Variants in NCOA7 observed in about 807,000 individuals in gnomAD.
The protein encoded by NCOA7 is nuclear receptor coactivator 7.
In NCOA7, 45 loss-of-function variants were observed where a neutral mutation model predicts 104.3. The ratio of observed to expected loss-of-function variants is 0.43; its 90% CI spans 0.34 to 0.55. The LOEUF is 0.55. NCOA7 is among the 20% of genes least tolerant of loss of function. The pLI is 0.02. For synonymous variants in NCOA7, 398 were observed against 402.3 expected (o/e 0.99, Z 0.13); for missense variants, 1,041 against 1,119.7 (o/e 0.93, Z 1.00).
At chr6:125,927,840 G>C in intron 14 of NCOA7, 82 bp downstream of exon 14, 1 of 1,167,830 alleles carries the variant, frequency 8.6e-7, no homozygotes. Flanking sequence ...GGGGCAGCTA[G>C]CTGTCCTGTA....
chr6:125,813,644 T>C (rs1777281718), intron 1 of NCOA7, among the ~76,000 whole-genome samples: 1 of 151,788 alleles, frequency 6.6e-6, no homozygotes, highest in Admixed American at 6.6e-5. Context: ...GAGATGGGGT[T>C]TCACTATGTT....
At chr6:125,925,145 T>A (rs1243678678) in intron 13 of NCOA7, among the ~76,000 whole-genome samples, 1 of 151,966 alleles carries the variant, frequency 6.6e-6, no homozygotes, top group Non-Finnish European at 1.5e-5. Flanking sequence ...GAGCAGTGGG[T>A]TAGAGATTTT....
rs1260244774 is a variant in NCOA7, at chr6:125,855,203, G to C, written c.234G>C (p.Glu78Asp). The C allele has an allele frequency of 6.2e-7, 1 of 1,612,322 alleles. No individual in the cohort carries two copies. The highest frequency in any genetic ancestry group is 2.2e-5 in the East Asian group (1 of 44,834). The change falls in exon 3 of 16, where the codon GAG (glutamate) becomes GAC (aspartate). Residue 78 changes from glutamate to aspartate, a missense_variant. This residue lies in a region of NCOA7 where 914 missense variants were observed against 942.7 expected (regional missense o/e 0.97). Coordinates refer to ENST00000392477, the MANE Select transcript of NCOA7 (RefSeq NM_181782.5). ...AGAGAAAAAGTAATCAGTTAAAGGA[G>C]ATCAGGCGTACAGAACTAAAGAGAT... The part of the protein sequence containing the change: ...KKKRKSNQLK[E>D]IRRTELKRYY...
intron 2 of NCOA7, among the ~76,000 whole-genome samples, chr6:125,825,239 G>A (rs611123): frequency 0.63 from 94,596 of 151,160 alleles, 31,426 homozygotes; most frequent in South Asian, 0.81. Context: ...ACTCTGGAGT[G>A]GAGGTGAAAA....
chr6:125,818,978 C>T (rs1473999059), intron 2 of NCOA7: 2 of 152,170 alleles, frequency 1.3e-5, no homozygotes, highest in African/African-American at 2.4e-5. Context: ...TTACATAAAT[C>T]TCAACTGGTG....
chr6:125,928,798 T>C lies in NCOA7; in HGVS notation c.*27T>C. The C allele has an allele frequency of 6.2e-7, 1 of 1,602,374 alleles. No individual in the cohort carries two copies. Among genetic ancestry groups the C allele is most frequent in the South Asian group, 1.1e-5 (1 of 88,660 alleles). On this transcript the variant is annotated 3_prime_UTR_variant, in exon 16 of 16. Coordinates refer to ENST00000392477, the MANE Select transcript of NCOA7 (RefSeq NM_181782.5). ...ATTCAGACTGCCTTAAAATATAACA[T>C]TAAAAAGACTGGGTTCGATCAGCCC...
intron 2 of NCOA7, among the ~76,000 whole-genome samples, chr6:125,850,680 G>C (rs1452539589): frequency 6.6e-6 from 1 of 152,164 alleles, no homozygotes; most frequent in African/African-American, 2.4e-5. Context: ...CATATCTCAG[G>C]CTGCATAGAA....
chr6:125,909,933 G>A (rs1344956996), intron 10 of NCOA7, among the ~76,000 whole-genome samples: 1 of 152,148 alleles, frequency 6.6e-6, no homozygotes, highest in Non-Finnish European at 1.5e-5. Context: ...TTTTAAGATT[G>A]GGTATTTTAT....
chr6:125,878,714 T>A (rs1783585314), intron 5 of NCOA7, among the ~76,000 whole-genome samples: 2 of 152,174 alleles, frequency 1.3e-5, no homozygotes, highest in African/African-American at 4.8e-5. Flanking sequence ...ATACCTTGGC[T>A]ACACATGCTT....
At chr6:125,882,829 T>A (rs1370246583) in intron 7 of NCOA7, among the ~76,000 whole-genome samples, 1 of 152,192 alleles carries the variant, frequency 6.6e-6, no homozygotes, top group Non-Finnish European at 1.5e-5. Context: ...CAATATACTG[T>A]ACATATAACA....
chr6:125,821,171 G>A (rs1196200604), intron 2 of NCOA7, among the ~76,000 whole-genome samples: 1 of 152,114 alleles, frequency 6.6e-6, no homozygotes, highest in Non-Finnish European at 1.5e-5. Flanking sequence ...CCCCAGGGAT[G>A]AGTAGAAGTA....
rs748644195 is a variant in NCOA7 at position 125,922,704 on chromosome 6, G to C, written c.2393G>C (p.Arg798Thr). 9 of 1,613,152 alleles carry C rather than the reference G, an allele frequency of 5.6e-6. No individual in the cohort carries two copies. The highest frequency in any genetic ancestry group is 6.8e-6 in the Non-Finnish European group (8 of 1,179,782). Residue 798 changes from arginine to threonine, a missense_variant, in exon 13 of 16, where the codon AGG becomes ACG. Physicochemically the swap from Arg to Thr is moderately conservative, Grantham distance 71. This residue lies in a region of NCOA7 where 127 missense variants were observed against 177.0 expected (regional missense o/e 0.72). Transcript: ENST00000392477. Reference protein sequence around the residue: ...IEQLARRLPARVQGYPWRLAY... With the variant: ...IEQLARRLPATVQGYPWRLAY... ...TAGCTGGCCCGACGCCTTCCTGCAA[G>C]GGTGCAAGGGTATCCATGGAGACTG...
chr6:125,874,352 C>T lies in NCOA7; in HGVS notation c.272-537C>T, dbSNP rs1422062064. Among the ~76,000 whole-genome samples the T allele has an allele frequency of 2.0e-5, 3 of 152,120 alleles. No homozygotes were observed. In the East Asian group the frequency reaches 5.8e-4, roughly 29 times the overall value. ...AAAAAAGCCCGAAAAATAGTAAAAT[C>T]CGTGGTCCAACTTAGTATGTTGTTG... is the stretch of plus-strand genomic sequence containing the variant. On this transcript the variant is annotated intron_variant, in intron 3 of 15. Transcript: ENST00000392477.
intron 3 of NCOA7, among the ~76,000 whole-genome samples, chr6:125,870,838 G>A (rs1016797775): frequency 4.6e-5 from 7 of 152,058 alleles, no homozygotes; most frequent in Non-Finnish European, 8.8e-5. Flanking sequence ...TATGGACAGG[G>A]CACCAAGATC....
At chr6:125,871,504 G>A (rs1314126937) in intron 3 of NCOA7, among the ~76,000 whole-genome samples, 3 of 152,190 alleles carry the variant, frequency 2.0e-5, no homozygotes, top group African/African-American at 7.2e-5. Context: ...CTTGCCTTGA[G>A]CTATAATGAT....
intron 1 of NCOA7, among the ~76,000 whole-genome samples, chr6:125,782,624 G>A (rs1220168231): frequency 6.6e-6 from 1 of 152,038 alleles, no homozygotes; most frequent in Non-Finnish European, 1.5e-5. Flanking sequence ...TGACCTTTTT[G>A]AATAGTGGAG....
rs1295361819 is a variant in NCOA7, at chr6:125,863,634, C to T, written c.271+8394C>T. Among the ~76,000 whole-genome samples the T allele has an allele frequency of 2.9e-5, 4 of 137,880 alleles. No individual in the cohort carries two copies. In the South Asian group the frequency reaches 6.5e-4, roughly 23 times the overall value. 90.5% of individuals were successfully genotyped at this position (137,880 alleles called of 152,430 possible). A position where few individuals can be genotyped will look rare whatever the true frequency, so the allele number is the denominator to read the frequency against. ...AGGAAAAATACTCTAATTCTGTCTTCGGCCTGCTCGATCCACAAAATACCA... is the reference window on the plus strand; with the variant it reads ...AGGAAAAATACTCTAATTCTGTCTTTGGCCTGCTCGATCCACAAAATACCA... On this transcript the variant is annotated intron_variant, in intron 3 of 15. Transcript: ENST00000392477.
chr6:125,890,604 G>A, intron 9 of NCOA7, 38 bp from the exon 10 acceptor site: 13 of 1,566,858 alleles, frequency 8.3e-6, no homozygotes, highest in African/African-American at 1.4e-5. Flanking sequence ...TACCAATATT[G>A]TCAATATTGA....
rs57168444 is a variant in NCOA7 at position 125,840,868 on chromosome 6, G to GT, written c.51-14110dup. On this transcript the variant is annotated intron_variant, in intron 2 of 15. Coordinates refer to ENST00000392477, the MANE Select transcript of NCOA7 (RefSeq NM_181782.5). ...TTTTATGGTTTTTTTTGTTTGGTTG[G>GT]TTTTTTTTTTTTTTTTTTTTTTTTT... is the stretch of plus-strand genomic sequence containing the variant. Among the ~76,000 whole-genome samples the GT allele has an allele frequency of 1.2e-4, 5 of 40,376 alleles. 1 individual carries two copies. Among genetic ancestry groups the GT allele is most frequent in the African/African-American group, 2.1e-4 (2 of 9,662 alleles). The allele number at this position is 40,376 out of a possible 152,430, so 26.5% of individuals were successfully genotyped here. A position where few individuals can be genotyped will look rare whatever the true frequency, so the allele number is the denominator to read the frequency against.
Sources: gnomAD v4.1 joint callset for allele counts (sites outside exome capture counted in the v4.1 genomes callset) on GRCh38, gnomAD v4.1.1 for gene constraint, gnomAD v4.1.1 regional missense constraint, MANE v1.5 for transcripts, NCBI Gene and HGNC (gene_info 2026-07-23, HGNC 2026-07-21) for gene names.